ABCD3: variants seen among roughly 807,000 people sequenced by gnomAD.
ABCD3 encodes ATP binding cassette subfamily D member 3, also known as ATP-binding cassette sub-family D member 3.
Under a neutral mutation model 105.5 loss-of-function variants are expected in ABCD3, and 41 were observed. The observed-to-expected ratio is 0.39, with a 90% CI of 0.30 to 0.50. ABCD3 has a LOEUF of 0.50. ABCD3 is among the 20% of genes least tolerant of loss of function. The pLI is 0.84. For missense variants in ABCD3, 622 were observed against 806.3 expected, an observed-to-expected ratio of 0.77 and a Z score of 2.77; for synonymous variants, 258 against 269.0, an observed-to-expected ratio of 0.96 and a Z score of 0.40.
At chr1:94,416,004 A>G (rs1658993508), upstream of ABCD3, among the ~76,000 whole-genome samples, 1 of 152,204 alleles carries the variant, frequency 6.6e-6, no homozygotes, top group South Asian at 2.1e-4. Flanking sequence ...TCGAATAACT[A>G]GTGTAATTTT....
In ABCD3 at chr1:94,493,953, GTCCT is replaced by G. The variant is rs1390367354; in HGVS notation, c.1386+2707_1386+2710del. On this transcript the variant is annotated intron_variant, in intron 16 of 22. Transcript: ENST00000370214. ...ACTCTGGGGACTGTTGTGGGGTGGGGTCCTGGGGGAGGGATAGCATTAGGAGATA... is the reference window on the plus strand; with the variant it reads ...ACTCTGGGGACTGTTGTGGGGTGGGGGGGGGAGGGATAGCATTAGGAGATA... Among the ~76,000 whole-genome samples the G allele has an allele frequency of 1.1e-4, 16 of 152,000 alleles. No homozygotes were observed. The South Asian group carries it at 3.1e-3, about 30-fold the overall frequency.
At chr1:94,486,389 A>G (rs975844962) in intron 10 of ABCD3, among the ~76,000 whole-genome samples, 2 of 152,188 alleles carry the variant, frequency 1.3e-5, no homozygotes, top group African/African-American at 4.8e-5. Flanking sequence ...TTTCATTAGA[A>G]TGTAAACTCC....
At chr1:94,468,554 G>A (rs1169600378) in intron 4 of ABCD3, among the ~76,000 whole-genome samples, 2 of 152,124 alleles carry the variant, frequency 1.3e-5, no homozygotes, top group African/African-American at 4.8e-5. Flanking sequence ...AAAAATGTCA[G>A]TTGGGATATC....
intron 16 of ABCD3, among the ~76,000 whole-genome samples, chr1:94,496,344 G>A (rs1331610120): frequency 6.6e-6 from 1 of 152,058 alleles, no homozygotes; most frequent in Non-Finnish European, 1.5e-5. Context: ...TACAGCATTT[G>A]TCCTTTTGTG....
chr1:94,420,841 G>T (rs1659231029), intron 1 of ABCD3, among the ~76,000 whole-genome samples: 1 of 152,094 alleles, frequency 6.6e-6, no homozygotes. Context: ...GCTTAATTAA[G>T]GAAACTGTGG....
At chr1:94,508,782 G>C (rs1460892865) in intron 21 of ABCD3, among the ~76,000 whole-genome samples, 1 of 152,014 alleles carries the variant, frequency 6.6e-6, no homozygotes, top group Non-Finnish European at 1.5e-5. Flanking sequence ...CTCGTGATTT[G>C]GCTGTTTGTT....
At chr1:94,402,861 G>A in the ABCD3 span, among the ~76,000 whole-genome samples, 2 of 151,496 alleles carry the variant, frequency 1.3e-5, no homozygotes, top group Non-Finnish European at 2.9e-5. Flanking sequence ...GTGCAGGTTA[G>A]TTACATATGT....
chr1:94,452,329 G>A (rs1647296425), intron 1 of ABCD3, among the ~76,000 whole-genome samples: 1 of 152,236 alleles, frequency 6.6e-6, no homozygotes, highest in Non-Finnish European at 1.5e-5. Flanking sequence ...TGAGCAAATA[G>A]TGGGGTGAGA....
At position 94,518,397 on chromosome 1, in the gene ABCD3, G is replaced by A. The variant is rs1651024632; in HGVS notation, c.*1268G>A. 1 of 150,954 alleles carries A rather than the reference G, an allele frequency of 6.6e-6. No homozygotes were observed. Among genetic ancestry groups the A allele is most frequent in the African/African-American group, 2.4e-5 (1 of 40,992 alleles). 9.4% of individuals were successfully genotyped at this position (150,954 alleles called of 1,614,324 possible). ...GCAGAATTAACTATAACAATCACTG[G>A]CTACCGAAGTAAACTGATGTACTGA... On this transcript the variant is annotated 3_prime_UTR_variant, in exon 23 of 23. Transcript: ENST00000370214.
chr1:94,490,562 C>T (rs953078189), intron 15 of ABCD3, among the ~76,000 whole-genome samples: 18 of 151,904 alleles, frequency 1.2e-4, no homozygotes, highest in African/African-American at 4.3e-4. Context: ...GAAAATGGCC[C>T]AGTTTCCTTC....
chr1:94,432,347 T>C (rs949033719), intron 1 of ABCD3, among the ~76,000 whole-genome samples: 12 of 152,142 alleles, frequency 7.9e-5, no homozygotes, highest in Non-Finnish European at 1.8e-4. Flanking sequence ...TTAAGAAATA[T>C]ATAGTGTTTT....
At chr1:94,421,562 A>ATTGTG (rs1553167239) in intron 1 of ABCD3, among the ~76,000 whole-genome samples, 19 of 149,028 alleles carry the variant, frequency 1.3e-4, no homozygotes, top group Middle Eastern at 3.4e-3. Context: ...GAGCTATAAG[A>ATTGTG]TGTGTGTGTG....
At chr1:94,418,927 A>G in intron 1 of ABCD3, 1 of 372,430 alleles carries the variant, frequency 2.7e-6, no homozygotes, top group Non-Finnish European at 4.9e-6. Flanking sequence ...TCCCTACATC[A>G]CCCCCTTCTG....
chr1:94,471,078 G>A (rs1385171580), intron 4 of ABCD3, among the ~76,000 whole-genome samples: 1 of 152,180 alleles, frequency 6.6e-6, no homozygotes, highest in Non-Finnish European at 1.5e-5. Flanking sequence ...TTGAGAGCTT[G>A]TTAACTGGTC....
At chr1:94,406,335 G>GTTTTTTTTTTTTTTTTT in the ABCD3 span, 4 of 179,002 alleles carry the variant, frequency 2.2e-5, 1 homozygote, top group Non-Finnish European at 4.2e-5. Context: ...ATAGTATTTT[G>GTTTTTTTTTTTTTTTTT]TTTTGTTTTT....
At chr1:94,510,657 T>C (rs1482780705) in intron 21 of ABCD3, among the ~76,000 whole-genome samples, 1 of 152,164 alleles carries the variant, frequency 6.6e-6, no homozygotes, top group Non-Finnish European at 1.5e-5. Context: ...GGACTTGCTT[T>C]ATGAATCTGG....
At chr1:94,459,517 A>G (rs1647765311) in intron 2 of ABCD3, among the ~76,000 whole-genome samples, 1 of 152,142 alleles carries the variant, frequency 6.6e-6, no homozygotes, top group African/African-American at 2.4e-5. Context: ...TTTAACCGTA[A>G]CTATTTTTTA....
intron 21 of ABCD3, among the ~76,000 whole-genome samples, chr1:94,512,190 T>C (rs1400264191): frequency 1.3e-5 from 2 of 152,058 alleles, no homozygotes; most frequent in African/African-American, 2.4e-5. Flanking sequence ...TCCTTTCTGT[T>C]TGTTAGTTTT....
At chr1:94,500,063 T>C (rs1650016028) in intron 20 of ABCD3, among the ~76,000 whole-genome samples, 1 of 152,168 alleles carries the variant, frequency 6.6e-6, no homozygotes, top group African/African-American at 2.4e-5. Flanking sequence ...CTTGCCCTTT[T>C]CCTCCACTAT....
Sources: allele counts gnomAD v4.1 joint callset (sites outside exome capture counted in the v4.1 genomes callset), GRCh38; gene constraint gnomAD v4.1.1; transcripts MANE v1.5; gene names NCBI Gene and HGNC (gene_info 2026-07-23, HGNC 2026-07-21).